The following PLPPR1 variants were observed in gnomAD, a reference collection of about 807,000 sequenced individuals.
PLPPR1 encodes phospholipid phosphatase related 1, also known as phospholipid phosphatase-related protein type 1.
In PLPPR1, 10 loss-of-function variants were observed where a neutral mutation model predicts 33.1. The ratio of observed to expected loss-of-function variants is 0.30; its 90% confidence interval spans 0.19 to 0.51. The LOEUF (loss-of-function observed/expected upper bound fraction) is 0.51, where lower values mean the gene tolerates loss of function less well. PLPPR1 is among the 20% of genes least tolerant of loss of function. The pLI, the probability that PLPPR1 is intolerant of heterozygous loss-of-function variation, is 0.97. For synonymous variants in PLPPR1, 151 were observed against 151.0 expected, an observed-to-expected ratio of 1.00 and a Z score of 0.00; for missense variants, 304 against 408.1, an observed-to-expected ratio of 0.74 and a Z score of 2.20.
intron 2 of PLPPR1, among the ~76,000 whole-genome samples, chr9:101,210,291 T>TAA (rs1826667031): frequency 6.6e-6 from 1 of 152,208 alleles, no homozygotes; most frequent in African/African-American, 2.4e-5. Flanking sequence ...TCATCTGGTA[T>TAA]AAGACAGGAG....
At chr9:101,147,917 C>T (rs1194336447) in intron 1 of PLPPR1, among the ~76,000 whole-genome samples, 1 of 152,134 alleles carries the variant, frequency 6.6e-6, no homozygotes, top group Non-Finnish European at 1.5e-5. Flanking sequence ...TGGTCAAGTC[C>T]AAGGGGCTTT....
intron 7 of PLPPR1, among the ~76,000 whole-genome samples, chr9:101,321,408 G>A (rs7022574): frequency 0.039 from 5,917 of 151,968 alleles, 388 homozygotes; most frequent in African/African-American, 0.14. Flanking sequence ...ATTGAGATGG[G>A]GTGCATTTTC....
intron 2 of PLPPR1, among the ~76,000 whole-genome samples, chr9:101,188,314 C>T (rs1826238658): frequency 6.6e-6 from 1 of 152,026 alleles, no homozygotes; most frequent in Admixed American, 6.6e-5. Flanking sequence ...TTGTTTTCTG[C>T]TGCATTATAG....
chr9:101,316,613 G>C (rs1829054136), intron 6 of PLPPR1, among the ~76,000 whole-genome samples: 1 of 72,556 alleles, frequency 1.4e-5, no homozygotes, highest in East Asian at 3.2e-4. Flanking sequence ...GGTTCTTCTT[G>C]GGCAAAAAAA....
Position 101,091,098 on chromosome 9 carries a change from A to G in PLPPR1, c.-46+61996A>G, listed in dbSNP as rs1419909783. Reference sequence around the variant, plus strand: ...TTCTGATCTTCAGACCCATGCATGTACCTGACATCAGTATTGCAGAACTCC... The same window carrying G: ...TTCTGATCTTCAGACCCATGCATGTGCCTGACATCAGTATTGCAGAACTCC... On this transcript the variant is annotated intron_variant, in intron 1 of 7. Coordinates refer to ENST00000374874, the MANE Select transcript of PLPPR1 (RefSeq NM_207299.2). Among the ~76,000 whole-genome samples, 7 of 152,138 alleles carry G rather than the reference A, an allele frequency of 4.6e-5. No homozygotes were observed. The East Asian group carries it at 1.4e-3, about 29-fold the overall frequency.
chr9:101,095,817 G>C (rs16919836), intron 1 of PLPPR1, among the ~76,000 whole-genome samples: 32,417 of 151,970 alleles, frequency 0.21, 3,578 homozygotes, highest in East Asian at 0.36. Context: ...TCTGAAGGAG[G>C]CTGAATTCAT....
intron 2 of PLPPR1, among the ~76,000 whole-genome samples, chr9:101,200,706 C>T (rs2094364393): frequency 6.6e-6 from 1 of 152,068 alleles, no homozygotes; most frequent in South Asian, 2.1e-4. Context: ...CACATCCTAC[C>T]CAACCAACGC....
At chr9:101,054,009 C>A (rs1830253131) in intron 1 of PLPPR1, among the ~76,000 whole-genome samples, 1 of 151,952 alleles carries the variant, frequency 6.6e-6, no homozygotes, top group Non-Finnish European at 1.5e-5. Flanking sequence ...CATAGTGAAA[C>A]CCCGTCTCTA....
At chr9:101,084,412 T>A (rs1469014861) in intron 1 of PLPPR1, among the ~76,000 whole-genome samples, 1 of 152,174 alleles carries the variant, frequency 6.6e-6, no homozygotes, top group Non-Finnish European at 1.5e-5. Context: ...GTGACAGTGA[T>A]GATGATGATT....
At chr9:101,268,949 G>C (rs919542689) in intron 2 of PLPPR1, among the ~76,000 whole-genome samples, 1 of 152,102 alleles carries the variant, frequency 6.6e-6, no homozygotes, top group African/African-American at 2.4e-5. Flanking sequence ...ATGAAATAAA[G>C]GTGTCAGACA....
intron 1 of PLPPR1, among the ~76,000 whole-genome samples, chr9:101,077,043 G>A (rs899239774): frequency 8.5e-5 from 13 of 152,154 alleles, no homozygotes; most frequent in Non-Finnish European, 1.8e-4. Flanking sequence ...CTTGTCATAT[G>A]TCCTTGTGGC....
intron 1 of PLPPR1, among the ~76,000 whole-genome samples, chr9:101,166,913 G>A (rs1825866164): frequency 6.6e-6 from 1 of 151,730 alleles, no homozygotes; most frequent in Non-Finnish European, 1.5e-5. Context: ...TGTGGTAAAA[G>A]AGAATTTCTC....
chr9:101,087,214 ATT>A, intron 1 of PLPPR1, among the ~76,000 whole-genome samples: 1 of 151,982 alleles, frequency 6.6e-6, no homozygotes, highest in African/African-American at 2.4e-5. Context: ...AATAAAAAAA[ATT>A]GAGATTAGAT....
At chr9:101,216,417 AG>A in intron 2 of PLPPR1, among the ~76,000 whole-genome samples, 1 of 152,036 alleles carries the variant, frequency 6.6e-6, no homozygotes, top group East Asian at 1.9e-4. Flanking sequence ...ATTCTTAGAT[AG>A]ACTGGTTATT....
intron 3 of PLPPR1, among the ~76,000 whole-genome samples, chr9:101,284,875 A>G (rs560137194): frequency 3.3e-5 from 5 of 152,346 alleles, no homozygotes; most frequent in African/African-American, 1.2e-4. Context: ...ATGAGATCAC[A>G]TTATTCTGGG....
At chr9:101,116,269 A>G (rs1458077998) in intron 1 of PLPPR1, among the ~76,000 whole-genome samples, 1 of 152,144 alleles carries the variant, frequency 6.6e-6, no homozygotes, top group African/African-American at 2.4e-5. Context: ...CTGAATTTAG[A>G]CTAACTCTGC....
At chr9:101,222,623 A>C (rs974891557) in intron 2 of PLPPR1, among the ~76,000 whole-genome samples, 1 of 152,210 alleles carries the variant, frequency 6.6e-6, no homozygotes, top group African/African-American at 2.4e-5. Flanking sequence ...AAGGAAGTAC[A>C]TATCTGCCTC....
At position 101,270,067 on chromosome 9, in the gene PLPPR1, T is replaced by C; in HGVS notation, c.251T>C (p.Ile84Thr). 1.2e-6 allele frequency: 2 copies of C among 1,614,098 alleles called. No individual in the cohort carries two copies. Among genetic ancestry groups the C allele is most frequent in the Non-Finnish European group, 1.7e-6 (2 of 1,179,944 alleles). Residue 84 changes from isoleucine (I) to threonine (T), a missense_variant and splice_region_variant, in exon 3 of 8, where the codon ATT (isoleucine) becomes ACT (threonine). Transcript: ENST00000374874. ...GTGCTGGCTGCCACCCCAACTGCTA[T>C]TGTAAGTACAGAAATAGACTTTCCT... ...YCVLAATPTA[I>T]IFIGEISMYF...
At chr9:101,178,771 A>G (rs936899135) in intron 1 of PLPPR1, among the ~76,000 whole-genome samples, 4 of 152,148 alleles carry the variant, frequency 2.6e-5, no homozygotes, top group Admixed American at 1.3e-4. Flanking sequence ...TCAGTGTCCA[A>G]TATACAGTAC....
Sources: gnomAD v4.1 joint callset for allele counts (sites outside exome capture counted in the v4.1 genomes callset) on GRCh38, gnomAD v4.1.1 for gene constraint, MANE v1.5 for transcripts, NCBI Gene and HGNC (gene_info 2026-07-23, HGNC 2026-07-21) for gene names.